The following FRMD4A variants were observed in gnomAD, a reference collection of about 807,000 sequenced individuals.
FRMD4A encodes the protein FERM domain containing 4A, also known as FERM domain-containing protein 4A.
Under a neutral mutation model 129.1 loss-of-function variants are expected in FRMD4A, and 29 were observed. That is an observed-to-expected ratio of 0.22 (90% CI 0.17 to 0.31). FRMD4A has a LOEUF of 0.31. FRMD4A is among the 10% of genes least tolerant of loss of function. The pLI is 1.00. For missense variants in FRMD4A, 1,272 were observed against 1,375.8 expected, an observed-to-expected ratio of 0.92 and a Z score of 1.19; for synonymous variants, 634 against 571.6, an observed-to-expected ratio of 1.11 and a Z score of -1.56.
intron 2 of FRMD4A, among the ~76,000 whole-genome samples, chr10:14,291,416 C>T (rs554537237): frequency 2.0e-5 from 3 of 152,164 alleles, no homozygotes; most frequent in African/African-American, 7.2e-5. Flanking sequence ...GACCCAGGGT[C>T]CAGATCTTTC....
rs555159693 is a variant in FRMD4A at position 13,853,652 on chromosome 10, G to A, written c.111+5195C>T. Reference sequence around the variant, plus strand: ...AATTCCAGACCAGCCTCGTCAACACGGCGCAACCCTGTCTCTACTAAAAAT... The same window carrying A: ...AATTCCAGACCAGCCTCGTCAACACAGCGCAACCCTGTCTCTACTAAAAAT... On this transcript the variant is annotated intron_variant, in intron 3 of 24. Coordinates refer to ENST00000357447, the MANE Select transcript of FRMD4A (RefSeq NM_018027.5). Among the ~76,000 whole-genome samples the A allele has an allele frequency of 7.2e-5, 11 of 152,052 alleles. No individual in the cohort carries two copies. The East Asian group carries it at 1.7e-3, about 24-fold the overall frequency.
chr10:14,320,292 C>T (rs1478140188), intron 2 of FRMD4A, among the ~76,000 whole-genome samples: 3 of 152,170 alleles, frequency 2.0e-5, no homozygotes, highest in Non-Finnish European at 4.4e-5. Context: ...CAATGTCTTG[C>T]CTTATTCTTT....
At chr10:14,305,819 C>T (rs1349884550) in intron 2 of FRMD4A, among the ~76,000 whole-genome samples, 4 of 152,154 alleles carry the variant, frequency 2.6e-5, no homozygotes, top group African/African-American at 9.7e-5. Context: ...AGATCGTATC[C>T]TTTGCGAGGA....
intron 4 of FRMD4A, among the ~76,000 whole-genome samples, chr10:13,805,271 C>T (rs188805944): frequency 2.6e-5 from 4 of 151,830 alleles, no homozygotes; most frequent in Non-Finnish European, 5.9e-5. Flanking sequence ...AGCCTCCCAA[C>T]GTGTTGGGAT....
At chr10:13,866,037 C>T (rs779647646) in intron 2 of FRMD4A, among the ~76,000 whole-genome samples, 15 of 152,088 alleles carry the variant, frequency 9.9e-5, no homozygotes, top group African/African-American at 1.7e-4. Context: ...CAAGCCACCA[C>T]GTTGTTTCTG....
intron 2 of FRMD4A, among the ~76,000 whole-genome samples, chr10:14,039,615 C>T (rs1201205489): frequency 6.6e-6 from 1 of 152,044 alleles, no homozygotes; most frequent in East Asian, 1.9e-4. Context: ...CAAAGTCATC[C>T]CTCTGCTCAC....
At chr10:13,957,318 A>G (rs2095415588) in intron 2 of FRMD4A, among the ~76,000 whole-genome samples, 1 of 152,130 alleles carries the variant, frequency 6.6e-6, no homozygotes, top group Non-Finnish European at 1.5e-5. Flanking sequence ...CAGTGGTGCA[A>G]TCTGGGCTTA....
At chr10:14,203,185 G>C (rs1842688573) in intron 2 of FRMD4A, among the ~76,000 whole-genome samples, 2 of 152,068 alleles carry the variant, frequency 1.3e-5, no homozygotes, top group Non-Finnish European at 2.9e-5. Context: ...CCTTTTGCCT[G>C]TTTCTTCACT....
chr10:13,668,952 G>C (rs528435864), intron 17 of FRMD4A, among the ~76,000 whole-genome samples: 28 of 152,084 alleles, frequency 1.8e-4, no homozygotes, highest in African/African-American at 6.5e-4. Flanking sequence ...CAAGTACTGA[G>C]TGACGTGTTT....
intron 2 of FRMD4A, among the ~76,000 whole-genome samples, chr10:13,961,189 C>T (rs1016650897): frequency 6.6e-6 from 1 of 152,148 alleles, no homozygotes; most frequent in Non-Finnish European, 1.5e-5. Context: ...GGAAATTCTC[C>T]GCCAACTTAC....
intron 14 of FRMD4A, among the ~76,000 whole-genome samples, chr10:13,695,542 T>C (rs2086140485): frequency 6.6e-6 from 1 of 152,210 alleles, no homozygotes; most frequent in African/African-American, 2.4e-5. Flanking sequence ...TTTGCTTGTT[T>C]TCTTCTTCAG....
intron 2 of FRMD4A, among the ~76,000 whole-genome samples, chr10:14,118,785 T>C (rs1838336503): frequency 6.6e-6 from 1 of 152,118 alleles, no homozygotes; most frequent in Admixed American, 6.5e-5. Flanking sequence ...CTCCCATGAT[T>C]CAATTACCTC....
intron 2 of FRMD4A, among the ~76,000 whole-genome samples, chr10:14,320,592 A>T (rs1164283906): frequency 6.6e-6 from 1 of 152,194 alleles, no homozygotes; most frequent in Admixed American, 6.5e-5. Context: ...ATTTCTTCAA[A>T]TGCCTTGTTA....
chr10:13,767,616 C>T (rs192162521), intron 6 of FRMD4A, among the ~76,000 whole-genome samples: 1 of 152,300 alleles, frequency 6.6e-6, no homozygotes, highest in Admixed American at 6.5e-5. Context: ...GTGCAAAAAT[C>T]CCATTTTTTT....
chr10:13,925,061 G>GGAAAAA (rs1565049218), intron 2 of FRMD4A, among the ~76,000 whole-genome samples: 1 of 27,618 alleles, frequency 3.6e-5, no homozygotes, highest in Admixed American at 4.5e-4. Context: ...GAGACTCCGT[G>GGAAAAA]TAAAAAAAAA....
chr10:14,221,152 C>T (rs971114364), intron 2 of FRMD4A, among the ~76,000 whole-genome samples: 2 of 152,082 alleles, frequency 1.3e-5, no homozygotes, highest in African/African-American at 4.8e-5. Flanking sequence ...CAGGTTCCTC[C>T]TTGATGGGGC....
intron 2 of FRMD4A, chr10:13,972,109 G>A (rs911972327): frequency 7.3e-6 from 8 of 1,089,972 alleles, no homozygotes; most frequent in Admixed American, 8.5e-5. Flanking sequence ...TGCAGATAAC[G>A]GCACATCCCT....
intron 2 of FRMD4A, among the ~76,000 whole-genome samples, chr10:14,279,181 G>T (rs921172876): frequency 1.5e-5 from 2 of 130,648 alleles, no homozygotes; most frequent in Non-Finnish European, 3.3e-5. Flanking sequence ...GAGGAAGCGG[G>T]ATTTTTTTTT....
chr10:13,807,685 T>C (rs759705414), intron 4 of FRMD4A, among the ~76,000 whole-genome samples: 9 of 152,210 alleles, frequency 5.9e-5, no homozygotes, highest in Non-Finnish European at 1.3e-4. Flanking sequence ...CATTCTGCTT[T>C]ATATATATTT....
Sources: allele counts gnomAD v4.1 joint callset (sites outside exome capture counted in the v4.1 genomes callset), GRCh38; gene constraint gnomAD v4.1.1; transcripts MANE v1.5; gene names NCBI Gene and HGNC (gene_info 2026-07-23, HGNC 2026-07-21).